TMEM114: variants seen among roughly 807,000 people sequenced by gnomAD.
The protein encoded by TMEM114 is claudin-26.
A neutral mutation model predicts 6.2 loss-of-function variants in TMEM114; 6 were observed. The ratio of observed to expected loss-of-function variants is 0.97; its 90% CI spans 0.53 to 1.91. The LOEUF (loss-of-function observed/expected upper bound fraction) is 1.91. Ranked by LOEUF, TMEM114 falls within the 40% of genes most tolerant of loss-of-function variation. TMEM114 has a pLI of 0.01. For missense variants in TMEM114, 218 were observed against 158.3 expected (o/e 1.38, Z -2.02); for synonymous variants, 104 against 73.0 (o/e 1.42, Z -2.16).
intron 2 of TMEM114, among the ~76,000 whole-genome samples, chr16:8,580,930 GATCC>G (rs1902126132): frequency 6.6e-6 from 1 of 152,184 alleles, no homozygotes; most frequent in Non-Finnish European, 1.5e-5. Flanking sequence ...GAGCTCAAGT[GATCC>G]ACCTGCCTCG....
At chr16:8,553,185 C>G (rs1179337834) in intron 2 of TMEM114, among the ~76,000 whole-genome samples, 1 of 152,226 alleles carries the variant, frequency 6.6e-6, no homozygotes. Flanking sequence ...AAACACTCAG[C>G]TGGCCCTGGG....
intron 2 of TMEM114, among the ~76,000 whole-genome samples, chr16:8,574,582 C>T (rs140021660): frequency 4.5e-4 from 64 of 142,572 alleles, no homozygotes; most frequent in African/African-American, 1.3e-3. Context: ...TCCTTCCTTC[C>T]TTCTTTCTTT....
chr16:8,560,243 C>A (rs1174251266), intron 2 of TMEM114, among the ~76,000 whole-genome samples: 1 of 151,952 alleles, frequency 6.6e-6, no homozygotes, highest in Non-Finnish European at 1.5e-5. Flanking sequence ...AGCGATCCTC[C>A]TGTCTTGGCC....
intron 2 of TMEM114, among the ~76,000 whole-genome samples, chr16:8,573,090 C>G (rs12448396): frequency 0.24 from 37,047 of 152,128 alleles, 5,432 homozygotes; most frequent in Non-Finnish European, 0.32. Flanking sequence ...AAAGTTTTTG[C>G]CAGCACCTTG....
At chr16:8,527,232 C>A in the TMEM114 span, among the ~76,000 whole-genome samples, 1 of 152,114 alleles carries the variant, frequency 6.6e-6, no homozygotes, top group Non-Finnish European at 1.5e-5. Flanking sequence ...AAATAAATAA[C>A]TATTCCCTCA....
chr16:8,572,349 G>A (rs1234214782), intron 2 of TMEM114, 125 bp from the exon 3 acceptor site: 28 of 997,810 alleles, frequency 2.8e-5, no homozygotes, highest in South Asian at 2.4e-4. Context: ...CCCCTACGAC[G>A]ATTACTTCTA....
chr16:8,536,791 G>T (rs562442095), downstream of TMEM114, among the ~76,000 whole-genome samples: 11 of 152,268 alleles, frequency 7.2e-5, no homozygotes, highest in African/African-American at 2.6e-4. Flanking sequence ...ACTGTTCATG[G>T]TCTAATTATC....
chr16:8,533,417 G>A (rs1245372216), downstream of TMEM114, among the ~76,000 whole-genome samples: 1 of 152,198 alleles, frequency 6.6e-6, no homozygotes, highest in Admixed American at 6.5e-5. Context: ...GATGGGCCAA[G>A]GCCTGTGTGG....
chr16:8,568,837 T>C (rs965286947), downstream of TMEM114, among the ~76,000 whole-genome samples: 3 of 152,198 alleles, frequency 2.0e-5, no homozygotes, highest in African/African-American at 7.2e-5. Context: ...AGATCAAGGA[T>C]GTAGACAGCA....
At chr16:8,563,487 G>A (rs548568551) in intron 2 of TMEM114, among the ~76,000 whole-genome samples, 2 of 151,278 alleles carry the variant, frequency 1.3e-5, no homozygotes, top group Admixed American at 1.3e-4. Context: ...GTGAGTAAGT[G>A]AATGAGTGAC....
chr16:8,577,876 G>A (rs1395488139), intron 2 of TMEM114, among the ~76,000 whole-genome samples: 2 of 152,030 alleles, frequency 1.3e-5, no homozygotes, highest in African/African-American at 4.8e-5. Context: ...CATGCCACCG[G>A]CAGTGTTTTC....
intron 2 of TMEM114, among the ~76,000 whole-genome samples, chr16:8,549,809 A>C (rs955070982): frequency 6.6e-6 from 1 of 152,178 alleles, no homozygotes; most frequent in Admixed American, 6.5e-5. Context: ...AGAGGGCAGA[A>C]GTAATAGGAT....
intron 2 of TMEM114, among the ~76,000 whole-genome samples, chr16:8,562,612 ATGAG>A (rs757612725): frequency 3.1e-5 from 4 of 130,664 alleles, no homozygotes; most frequent in South Asian, 2.3e-4. Context: ...GAGTGAGTGA[ATGAG>A]TGAGTGAGTG....
chr16:8,568,194 A>C (rs1159785148), downstream of TMEM114, among the ~76,000 whole-genome samples: 1 of 152,194 alleles, frequency 6.6e-6, no homozygotes, highest in East Asian at 1.9e-4. Context: ...AGTCCTCACC[A>C]CGGGCTACGT....
chr16:8,571,940 C>T (rs1901748090), intron 3 of TMEM114, 147 bp downstream of exon 3: 6 of 1,026,752 alleles, frequency 5.8e-6, no homozygotes, highest in Non-Finnish European at 8.2e-6. Context: ...CTGGAAACCA[C>T]TCATCTCTTC....
downstream of TMEM114, chr16:8,569,428 C>T: frequency 9.0e-7 from 1 of 1,107,950 alleles, no homozygotes; most frequent in Non-Finnish European, 1.1e-6. Flanking sequence ...AGGAGCTGAT[C>T]CAAGGGACAT....
intron 2 of TMEM114, among the ~76,000 whole-genome samples, chr16:8,563,486 T>G (rs908968236): frequency 1.3e-5 from 2 of 151,002 alleles, no homozygotes; most frequent in African/African-American, 5.0e-5. Flanking sequence ...AGTGAGTAAG[T>G]GAATGAGTGA....
intron 2 of TMEM114, among the ~76,000 whole-genome samples, chr16:8,548,729 A>G (rs1900750492): frequency 7.4e-6 from 1 of 135,410 alleles, no homozygotes; most frequent in Admixed American, 7.4e-5. Flanking sequence ...ACACCCATAT[A>G]TGGAAAATAC....
At chr16:8,554,817 T>C (rs1182012456) in intron 2 of TMEM114, among the ~76,000 whole-genome samples, 1 of 152,152 alleles carries the variant, frequency 6.6e-6, no homozygotes, top group African/African-American at 2.4e-5. Flanking sequence ...ACCCTGAGGG[T>C]AGGCACTGAT....
Sources: allele counts gnomAD v4.1 joint callset (sites outside exome capture counted in the v4.1 genomes callset), GRCh38; gene constraint gnomAD v4.1.1; transcripts MANE v1.5; gene names NCBI Gene and HGNC (gene_info 2026-07-23, HGNC 2026-07-21).